The following THADA variants were observed in gnomAD, a reference collection of about 807,000 sequenced individuals.
THADA encodes THADA armadillo repeat containing, also known as tRNA (32-2'-O)-methyltransferase regulator THADA.
In THADA, 213 loss-of-function variants were observed where a neutral mutation model predicts 219.8. That is an observed-to-expected ratio of 0.97 (90% CI 0.87 to 1.09). The LOEUF (loss-of-function observed/expected upper bound fraction) is 1.09, where lower values mean the gene tolerates loss of function less well. THADA is among the 50% of genes least tolerant of loss of function. The pLI is 0.00. For missense variants in THADA, 2,956 were observed against 2,311.3 expected (o/e 1.28, Z -5.72); for synonymous variants, 1,018 against 828.9 (o/e 1.23, Z -3.92).
chr2:43,560,532 A>G, intron 15 of THADA, 147 bp from the exon 16 acceptor site: 2 of 477,838 alleles, frequency 4.2e-6, no homozygotes, highest in Middle Eastern at 5.7e-4. Context: ...TAACTTTTCC[A>G]TTAATTTATT....
At position 43,428,099 on chromosome 2, in the gene THADA, C is replaced by T; in HGVS notation, c.4058+1G>A. The T allele has an allele frequency of 1.2e-6, 2 of 1,605,932 alleles. No individual in the cohort carries two copies. Among genetic ancestry groups the T allele is most frequent in the African/African-American group, 2.7e-5 (2 of 74,756 alleles). On this transcript the variant is annotated splice_donor_variant, in intron 28 of 37. Transcript: ENST00000405975. LOFTEE classifies it high-confidence loss of function. ...ACAATTTCTACACAGCATGACACTA[C>T]CTCATAATGAAGGGAACAAAAGGTC...
At chr2:43,281,408 T>G (rs1032376158) in intron 35 of THADA, among the ~76,000 whole-genome samples, 3 of 151,902 alleles carry the variant, frequency 2.0e-5, no homozygotes, top group African/African-American at 7.3e-5. Flanking sequence ...CTTAAATGAC[T>G]TTGCTGTGCC....
At chr2:43,251,129 G>A (rs1417375213) in intron 36 of THADA, among the ~76,000 whole-genome samples, 4 of 152,140 alleles carry the variant, frequency 2.6e-5, no homozygotes, top group African/African-American at 7.2e-5. Context: ...TGGTAATAAA[G>A]CAAGACATTT....
At chr2:43,276,775 G>A (rs1255668203) in intron 36 of THADA, among the ~76,000 whole-genome samples, 1 of 152,158 alleles carries the variant, frequency 6.6e-6, no homozygotes, top group Non-Finnish European at 1.5e-5. Flanking sequence ...ACAGTGACTT[G>A]TGGCCTCTGA....
intron 28 of THADA, among the ~76,000 whole-genome samples, chr2:43,416,419 G>A (rs1330596730): frequency 6.6e-6 from 1 of 152,178 alleles, no homozygotes; most frequent in Non-Finnish European, 1.5e-5. Context: ...GTAGCCTGTA[G>A]ATTTCATACA....
At chr2:43,575,075 A>T (rs1699719003) in intron 10 of THADA, 48 bp from the exon 11 acceptor site, 2 of 1,334,492 alleles carry the variant, frequency 1.5e-6, no homozygotes, top group Non-Finnish European at 1.0e-6. Flanking sequence ...GATTAGTAAA[A>T]GAAATTTCAT....
chr2:43,523,725 T>G (rs1219673022), intron 22 of THADA, among the ~76,000 whole-genome samples: 1 of 152,226 alleles, frequency 6.6e-6, no homozygotes, highest in Non-Finnish European at 1.5e-5. Flanking sequence ...ATTTAATTTT[T>G]TCAGGCCAAT....
intron 4 of THADA, among the ~76,000 whole-genome samples, chr2:43,588,241 C>G (rs2104160212): frequency 6.6e-6 from 1 of 151,480 alleles, no homozygotes; most frequent in African/African-American, 2.4e-5. Context: ...AATTGAATCC[C>G]TACCTCACAC....
Position 43,367,011 on chromosome 2 carries a change from A to G in THADA, c.4228-22774T>C, listed in dbSNP as rs145467401. 7.9e-3 allele frequency among the ~76,000 whole-genome samples: 1,198 copies of G among 152,370 alleles called. 7 individuals are homozygous for G. Among genetic ancestry groups the G allele is most frequent in the Non-Finnish European group, 0.013 (899 of 68,030 alleles). On this transcript the variant is annotated intron_variant, in intron 29 of 37. Coordinates refer to ENST00000405975, the MANE Select transcript of THADA (RefSeq NM_022065.5). ...GCAAAGGAATATTATTCAGCATTAAAAAGAAAATTCTGACACATGCCAAAA... is the reference window on the plus strand; with the variant it reads ...GCAAAGGAATATTATTCAGCATTAAGAAGAAAATTCTGACACATGCCAAAA...
intron 9 of THADA, 29 bp from the exon 10 acceptor site, chr2:43,577,271 A>G: frequency 1.3e-6 from 2 of 1,505,284 alleles, no homozygotes; most frequent in Non-Finnish European, 1.8e-6. Context: ...GCTAACACAC[A>G]TAAAGCTTTT....
intron 29 of THADA, among the ~76,000 whole-genome samples, chr2:43,370,979 CA>C (rs1670734297): frequency 6.6e-6 from 1 of 152,156 alleles, no homozygotes; most frequent in Non-Finnish European, 1.5e-5. Context: ...TCCACAGTAA[CA>C]AAAGAGCTAA....
At chr2:43,313,328 G>T (rs908453835) in intron 31 of THADA, among the ~76,000 whole-genome samples, 6 of 152,144 alleles carry the variant, frequency 3.9e-5, no homozygotes, top group Non-Finnish European at 7.4e-5. Context: ...ACTATTTAGG[G>T]TTTCTGACTC....
At chr2:43,303,320 G>A (rs914334294) in intron 31 of THADA, among the ~76,000 whole-genome samples, 1 of 152,212 alleles carries the variant, frequency 6.6e-6, no homozygotes, top group Non-Finnish European at 1.5e-5. Context: ...CATTGTGAAA[G>A]TTAACTTTAG....
rs546662499 is a variant in THADA, at chr2:43,547,628, A to G, written c.3106+1582T>C. 3.3e-5 allele frequency among the ~76,000 whole-genome samples: 5 copies of G among 151,964 alleles called. No individual in the cohort carries two copies. In the South Asian group the frequency reaches 1.0e-3, roughly 32 times the overall value. ...CATTTCATTCATTTCATCTTCCATC[A>G]CTGATACCCTTTCTTCCAGTGGATT... On this transcript the variant is annotated intron_variant, in intron 20 of 37. Transcript: ENST00000405975.
rs758447438 is a variant in THADA, at chr2:43,574,729, G to A, written c.1336C>T (p.Arg446Ter). The A allele has an allele frequency of 1.4e-5, 23 of 1,613,818 alleles. No homozygotes were observed. The highest frequency in any genetic ancestry group is 1.6e-4 in the Middle Eastern group (1 of 6,084). ...FFVELTESLL[R>*]LEWHIKGKYT... ...TTTCCTTTAATATGCCATTCCAATC[G>A]TAAAAGACTCTCAGTCAATTCCACA... Residue 446 changes from arginine (R) to a stop codon, truncating the protein, a stop_gained, in exon 11 of 38, where the codon CGA becomes TGA. Coordinates refer to ENST00000405975, the MANE Select transcript of THADA (RefSeq NM_022065.5). LOFTEE classifies it high-confidence loss of function.
intron 7 of THADA, among the ~76,000 whole-genome samples, chr2:43,585,687 A>T (rs1559027961): frequency 6.6e-6 from 1 of 152,102 alleles, no homozygotes; most frequent in Non-Finnish European, 1.5e-5. Flanking sequence ...AACTTGGAAG[A>T]AACAAAGACT....
chr2:43,568,211 G>A (rs1247267956), intron 14 of THADA, among the ~76,000 whole-genome samples: 2 of 152,132 alleles, frequency 1.3e-5, no homozygotes, highest in African/African-American at 2.4e-5. Context: ...AAGGTTAAAT[G>A]AGAACATGGA....
intron 29 of THADA, among the ~76,000 whole-genome samples, chr2:43,394,661 C>G (rs997650170): frequency 6.6e-6 from 1 of 152,156 alleles, no homozygotes; most frequent in Non-Finnish European, 1.5e-5. Context: ...CCCTTCCCAA[C>G]TTAACCCTTT....
chr2:43,430,027 G>A (rs1465631677), intron 27 of THADA, among the ~76,000 whole-genome samples, 186 bp downstream of exon 27: 1 of 151,918 alleles, frequency 6.6e-6, no homozygotes, highest in Non-Finnish European at 1.5e-5. Context: ...AAATGGGCAA[G>A]GAGTGGTGGC....
Sources: allele counts gnomAD v4.1 joint callset (sites outside exome capture counted in the v4.1 genomes callset), GRCh38; gene constraint gnomAD v4.1.1; transcripts MANE v1.5; gene names NCBI Gene and HGNC (gene_info 2026-07-23, HGNC 2026-07-21).